PLA2G4F: variants seen among roughly 807,000 people sequenced by gnomAD.
PLA2G4F encodes the protein cytosolic phospholipase A2 zeta.
Under a neutral mutation model 103.1 loss-of-function variants are expected in PLA2G4F, and 105 were observed. The ratio of observed to expected loss-of-function variants is 1.02; its 90% CI spans 0.87 to 1.20. The LOEUF (loss-of-function observed/expected upper bound fraction) is 1.20. Ranked by LOEUF, PLA2G4F falls within the 50% of genes most tolerant of loss-of-function variation. PLA2G4F has a pLI of 0.00. For missense variants in PLA2G4F, 1,155 were observed against 1,075.9 expected (o/e 1.07, Z -1.03); for synonymous variants, 468 against 441.1 (o/e 1.06, Z -0.76).
chr15:42,142,737 C>T (rs1394751630), intron 18 of PLA2G4F, 23 bp from the exon 19 acceptor site: 4 of 1,613,182 alleles, frequency 2.5e-6, no homozygotes, highest in Non-Finnish European at 3.4e-6. Context: ...AAGCCTCTGA[C>T]TCTGCCTTTC....
rs2049018279 is a variant in PLA2G4F at position 42,156,581 on chromosome 15, C to T, written c.-32G>A. ...GCAGCCCGGGCCCCAGCAGGGAACC[C>T]TGCCTGCGCTCCTCTGGTTGCACAA... is the stretch of plus-strand genomic sequence containing the variant. On this transcript the variant is annotated 5_prime_UTR_variant, in exon 1 of 20. Coordinates refer to ENST00000397272, the MANE Select transcript of PLA2G4F (RefSeq NM_213600.4). The T allele has an allele frequency of 6.9e-7, 1 of 1,455,696 alleles. No individual in the cohort carries two copies. Among genetic ancestry groups the T allele is most frequent in the Non-Finnish European group, 9.3e-7 (1 of 1,073,818 alleles). 90.2% of individuals were successfully genotyped at this position (1,455,696 alleles called of 1,614,324 possible).
chr15:42,144,420 C>T, intron 17 of PLA2G4F, 30 bp downstream of exon 17: 2 of 1,608,872 alleles, frequency 1.2e-6, no homozygotes, highest in Non-Finnish European at 1.7e-6. Context: ...GAAGGGAAGC[C>T]CCCCATCTCC....
In PLA2G4F at chr15:42,145,628, G is replaced by A. The variant is rs1463483901; in HGVS notation, c.1727C>T (p.Ala576Val). 2 of 1,614,128 alleles carry A rather than the reference G, an allele frequency of 1.2e-6. No individual in the cohort carries two copies. The highest frequency in any genetic ancestry group is 1.7e-6 in the Non-Finnish European group (2 of 1,180,018). ...TSLDEIFLKT[A>V]GSGLSFLEWY... ...CTCCAGGAAGCTGAGGCCCGAGCCG[G>A]CGGTCTTTAGGAAGATCTCATCCAG... The change falls in exon 16 of 20, where the codon GCC becomes GTC. Residue 576 changes from alanine to valine, a missense_variant. This residue lies in a region of PLA2G4F where 782 missense variants were observed against 692.9 expected (regional missense o/e 1.13). Transcript: ENST00000397272.
At chr15:42,146,084 C>G in intron 14 of PLA2G4F, 43 bp downstream of exon 14, 1 of 1,605,432 alleles carries the variant, frequency 6.2e-7, no homozygotes, top group African/African-American at 1.3e-5. Flanking sequence ...CCTCCTCCTC[C>G]CCACCTCCTC....
Position 42,150,389 on chromosome 15 carries a change from G to A in PLA2G4F, c.869C>T (p.Ser290Phe), listed in dbSNP as rs1023361892. Residue 290 changes from serine to phenylalanine, a missense_variant, in exon 9 of 20, where the codon TCT (serine) becomes TTT (phenylalanine). Coordinates refer to ENST00000397272, the MANE Select transcript of PLA2G4F (RefSeq NM_213600.4). ...SLPLGQEEQCSVALGEGQEVA... is the reference protein window; with the variant it reads ...SLPLGQEEQCFVALGEGQEVA... ...GAGCCTTACCTCCCCCAGGGCCACA[G>A]AACACTGTTCCTCCTGGCCTAGGGG... is the stretch of plus-strand genomic sequence containing the variant. The A allele has an allele frequency of 1.2e-6, 2 of 1,611,408 alleles. No individual in the cohort carries two copies. The highest frequency in any genetic ancestry group is 1.3e-5 in the African/African-American group (1 of 74,834).
intron 18 of PLA2G4F, 76 bp downstream of exon 18, chr15:42,143,902 T>TTTC: frequency 1.3e-6 from 2 of 1,486,294 alleles, no homozygotes; most frequent in Non-Finnish European, 1.8e-6. Flanking sequence ...CAGAGCCTTC[T>TTTC]TTCCCCTCCT....
chr15:42,150,804 C>G, intron 7 of PLA2G4F, 27 bp from the exon 8 acceptor site: 2 of 1,595,134 alleles, frequency 1.3e-6, no homozygotes, highest in Non-Finnish European at 1.7e-6. Context: ...CAGGTGGGTG[C>G]GCAGGTGAGG....
chr15:42,150,072 C>G lies in PLA2G4F; in HGVS notation c.923+32G>C, dbSNP rs777978733. 3.1e-6 allele frequency: 5 copies of G among 1,613,986 alleles called. No homozygotes were observed. In the South Asian group the frequency reaches 5.5e-5, roughly 18 times the overall value. The stretch of plus-strand genomic sequence containing the variant: ...ATGTCCCCGCACTTCTAGCCCAGCC[C>G]CAAGAGGCCTTCTGCCTGGAGTCCC... On this transcript the variant is annotated intron_variant, in intron 10 of 19. Coordinates refer to ENST00000397272, the MANE Select transcript of PLA2G4F (RefSeq NM_213600.4).
chr15:42,142,329 A>C, intron 19 of PLA2G4F, 125 bp from the exon 20 acceptor site: 1 of 1,157,440 alleles, frequency 8.6e-7, no homozygotes, highest in Non-Finnish European at 1.2e-6. Context: ...CTTGGGCCAC[A>C]TCTCAGCTCT....
At chr15:42,148,849 C>A (rs2048921928) in intron 11 of PLA2G4F, 4 of 985,310 alleles carry the variant, frequency 4.1e-6, no homozygotes, top group Non-Finnish European at 4.8e-6. Context: ...TGCTCCCTGG[C>A]CACTGCTCAC....
intron 14 of PLA2G4F, 76 bp from the exon 15 acceptor site, chr15:42,145,979 T>C: frequency 6.3e-7 from 1 of 1,597,254 alleles, no homozygotes. Context: ...AATCTTAGCC[T>C]TGACAATGAC....
Position 42,142,163 on chromosome 15 carries a change from A to G in PLA2G4F, c.2371T>C (p.Phe791Leu). The G allele has an allele frequency of 6.2e-7, 1 of 1,614,096 alleles. No individual in the cohort carries two copies. Among genetic ancestry groups the G allele is most frequent in the East Asian group, 2.2e-5 (1 of 44,880 alleles). ...QTAEEKAFGD[F>L]VINRPDTPYG... ...GGGGTGTCTGGCCTGTTGATGACAA[A>G]GTCCCCAAAGGCCTTCTCCTCAGCT... Residue 791 changes from phenylalanine to leucine, a missense_variant, in exon 20 of 20, where the codon TTT (phenylalanine) becomes CTT (leucine). Transcript: ENST00000397272.
At chr15:42,142,472 T>A in intron 19 of PLA2G4F, 56 bp downstream of exon 19, 1 of 1,533,128 alleles carries the variant, frequency 6.5e-7, no homozygotes, top group Non-Finnish European at 8.9e-7. Flanking sequence ...CAGAACAGCG[T>A]CCCATCACCA....
At chr15:42,156,390 C>T in intron 1 of PLA2G4F, 49 bp downstream of exon 1, 1 of 1,488,524 alleles carries the variant, frequency 6.7e-7, no homozygotes, top group Non-Finnish European at 9.2e-7. Context: ...CACTGCAGCT[C>T]CCAGGACTCC....
At chr15:42,154,003 C>A in intron 4 of PLA2G4F, 89 bp downstream of exon 4, 4 of 1,577,924 alleles carry the variant, frequency 2.5e-6, no homozygotes, top group Non-Finnish European at 3.4e-6. Context: ...GGAGGCTTGG[C>A]CTGTGCCGAC....
At position 42,150,366 on chromosome 15, in the gene PLA2G4F, G is replaced by A. The variant is rs1452059161; in HGVS notation, c.885+7C>T. The A allele has an allele frequency of 6.2e-7, 1 of 1,603,032 alleles. No homozygotes were observed. Among genetic ancestry groups the A allele is most frequent in the South Asian group, 1.1e-5 (1 of 89,098 alleles). Reference sequence around the variant, plus strand: ...GGGGTCCCTCTGGCACCCAGACAGAGCCTTACCTCCCCCAGGGCCACAGAA... The same window carrying A: ...GGGGTCCCTCTGGCACCCAGACAGAACCTTACCTCCCCCAGGGCCACAGAA... On this transcript the variant is annotated splice_region_variant and intron_variant, in intron 9 of 19. Coordinates refer to ENST00000397272, the MANE Select transcript of PLA2G4F (RefSeq NM_213600.4).
Position 42,143,883 on chromosome 15 carries a change from C to T in PLA2G4F, c.2142+95G>A. 4.2e-6 allele frequency: 6 copies of T among 1,435,068 alleles called. No homozygotes were observed. The Middle Eastern group carries it at 6.6e-4, about 157-fold the overall frequency. The allele number at this position is 1,435,068 out of a possible 1,614,324, so 88.9% of individuals were successfully genotyped here. On this transcript the variant is annotated intron_variant, in intron 18 of 19. Coordinates refer to ENST00000397272, the MANE Select transcript of PLA2G4F (RefSeq NM_213600.4). ...GGCAATCCCCACACACCCAGCCAGT[C>T]CCCCTCACCAGAGCCTTCTTTCCCC...
At chr15:42,146,357 G>T in intron 13 of PLA2G4F, 116 bp from the exon 14 acceptor site, 2 of 943,814 alleles carry the variant, frequency 2.1e-6, no homozygotes, top group Non-Finnish European at 1.6e-6. Flanking sequence ...GCTTTGGGTC[G>T]CCAAGGCCAG....
rs1434516088 is a variant in PLA2G4F, at chr15:42,143,176, T to TTAAA, written c.2143-463_2143-462insTTTA. ...CCTGGTGACAGAGTGAGACTCCATC[T>TTAAA]AAAAAAAAAAAAAAAAAAAAAAAAA... On this transcript the variant is annotated intron_variant, in intron 18 of 19. Coordinates refer to ENST00000397272, the MANE Select transcript of PLA2G4F (RefSeq NM_213600.4). 5.0e-4 allele frequency among the ~76,000 whole-genome samples: 45 copies of TTAAA among 89,688 alleles called. 1 individual carries two copies. The highest frequency in any genetic ancestry group is 1.3e-3 in the African/African-American group (26 of 20,370). 58.8% of individuals were successfully genotyped at this position (89,688 alleles called of 152,430 possible).
Sources: gnomAD v4.1 joint callset for allele counts (sites outside exome capture counted in the v4.1 genomes callset) on GRCh38, gnomAD v4.1.1 for gene constraint, gnomAD v4.1.1 regional missense constraint, MANE v1.5 for transcripts, NCBI Gene and HGNC (gene_info 2026-07-23, HGNC 2026-07-21) for gene names.